Variants in LOC122539214 observed in about 807,000 individuals in gnomAD.
the LOC122539214 span, chr19:52,654,482 T>C: frequency 6.9e-6 from 4 of 576,414 alleles, no homozygotes; most frequent in East Asian, 1.3e-4. Flanking sequence ...GTGTTAATAT[T>C]ACACAAAAAG....
the LOC122539214 span, among the ~76,000 whole-genome samples, chr19:52,657,354 A>T: frequency 6.6e-6 from 1 of 152,018 alleles, no homozygotes; most frequent in Non-Finnish European, 1.5e-5. Context: ...GAGGTAGCTC[A>T]TATCAGGAAT....
At chr19:52,681,280 C>CAAAAAAAAAAAAAAAAAAAAAAA in the LOC122539214 span, among the ~76,000 whole-genome samples, 6 of 75,440 alleles carry the variant, frequency 8.0e-5, no homozygotes, top group African/African-American at 2.8e-4. Flanking sequence ...GAGACTTTCT[C>CAAAAAAAAAAAAAAAAAAAAAAA]AAAAAAAAAA....
the LOC122539214 span, among the ~76,000 whole-genome samples, chr19:52,681,875 TCTCA>T: frequency 3.3e-5 from 5 of 152,090 alleles, no homozygotes; most frequent in Non-Finnish European, 5.9e-5. Flanking sequence ...TAAGACAGAG[TCTCA>T]CTCTGTCAAC....
the LOC122539214 span, among the ~76,000 whole-genome samples, chr19:52,667,884 G>T: frequency 2.8e-3 from 420 of 152,292 alleles, 3 homozygotes; most frequent in Non-Finnish European, 4.0e-3. Context: ...AAGGTGAAAT[G>T]TAGCTTATCT....
chr19:52,655,748 T>C, the LOC122539214 span: 1 of 715,220 alleles, frequency 1.4e-6, no homozygotes, highest in African/African-American at 1.8e-5. Context: ...TCACACAAAA[T>C]GAGAAAAGAG....
the LOC122539214 span, among the ~76,000 whole-genome samples, chr19:52,664,585 G>A: frequency 4.8e-3 from 734 of 152,252 alleles, 12 homozygotes; most frequent in African/African-American, 0.017. Flanking sequence ...TTAAGTCCAC[G>A]CCATCTGCTT....
chr19:52,681,484 A>G, the LOC122539214 span, among the ~76,000 whole-genome samples: 4 of 151,648 alleles, frequency 2.6e-5, no homozygotes, highest in Non-Finnish European at 5.9e-5. Flanking sequence ...ATAGCCATGA[A>G]TAACATTTTT....
At chr19:52,688,037 A>G in the LOC122539214 span, among the ~76,000 whole-genome samples, 1 of 152,014 alleles carries the variant, frequency 6.6e-6, no homozygotes, top group Non-Finnish European at 1.5e-5. Context: ...CATAGACAGG[A>G]ATTTTAAAAT....
the LOC122539214 span, among the ~76,000 whole-genome samples, chr19:52,676,919 T>C: frequency 7.2e-6 from 1 of 138,418 alleles, no homozygotes; most frequent in Non-Finnish European, 1.5e-5. Flanking sequence ...AAACAGATGC[T>C]TGAAGGCAGC....
At chr19:52,667,555 A>AT in the LOC122539214 span, among the ~76,000 whole-genome samples, 1 of 152,194 alleles carries the variant, frequency 6.6e-6, no homozygotes, top group South Asian at 2.1e-4. Flanking sequence ...AAGAATGTGG[A>AT]TTTTTACCTA....
the LOC122539214 span, among the ~76,000 whole-genome samples, chr19:52,676,707 T>C: frequency 2.9e-5 from 4 of 136,566 alleles, no homozygotes; most frequent in Non-Finnish European, 4.8e-5. Flanking sequence ...GGGGAAAAGA[T>C]TGAGAAATCG....
At chr19:52,681,390 G>A in the LOC122539214 span, among the ~76,000 whole-genome samples, 2 of 151,508 alleles carry the variant, frequency 1.3e-5, no homozygotes, top group Non-Finnish European at 2.9e-5. Context: ...TACAAGTGGT[G>A]TCTAGAGAGG....
the LOC122539214 span, among the ~76,000 whole-genome samples, chr19:52,673,425 C>A: frequency 6.6e-6 from 1 of 151,866 alleles, no homozygotes; most frequent in Non-Finnish European, 1.5e-5. Context: ...ATCATTTGAG[C>A]CAAGAAGGCA....
At chr19:52,687,453 AATATAAATTATAATTTATATATCT>A in the LOC122539214 span, among the ~76,000 whole-genome samples, 8 of 17,590 alleles carry the variant, frequency 4.5e-4, 1 homozygote, top group East Asian at 2.2e-3. Context: ...TATAAATTAT[AATATAAATTATAATTTATATATCT>A]ATATAAATTA....
At chr19:52,670,351 G>A in the LOC122539214 span, among the ~76,000 whole-genome samples, 401 of 152,220 alleles carry the variant, frequency 2.6e-3, 3 homozygotes, top group Non-Finnish European at 4.0e-3. Flanking sequence ...TCTAACCCTC[G>A]CCAATAGGGG....
At chr19:52,689,541 G>A in the LOC122539214 span, among the ~76,000 whole-genome samples, 2 of 152,050 alleles carry the variant, frequency 1.3e-5, no homozygotes, top group Non-Finnish European at 2.9e-5. Flanking sequence ...CTCCCTCTTT[G>A]CTGCCCCTCT....
At chr19:52,690,262 C>A in the LOC122539214 span, among the ~76,000 whole-genome samples, 1 of 151,730 alleles carries the variant, frequency 6.6e-6, no homozygotes, top group African/African-American at 2.4e-5. Context: ...GGGGATGGGA[C>A]CAACCTCAGG....
chr19:52,670,148 T>G, the LOC122539214 span, among the ~76,000 whole-genome samples: 1 of 151,208 alleles, frequency 6.6e-6, no homozygotes, highest in Non-Finnish European at 1.5e-5. Context: ...GATCACCTGC[T>G]CCACCCTGCC....
At chr19:52,676,590 G>C in the LOC122539214 span, among the ~76,000 whole-genome samples, 1 of 151,384 alleles carries the variant, frequency 6.6e-6, no homozygotes, top group African/African-American at 2.4e-5. Context: ...GAAGTGAGGA[G>C]CCCCTCTGCC....
Sources: allele counts gnomAD v4.1 joint callset (sites outside exome capture counted in the v4.1 genomes callset), GRCh38; gene constraint gnomAD v4.1.1; transcripts MANE v1.5.